Variants in PARD3B observed in about 807,000 individuals in gnomAD.
The protein encoded by PARD3B is par-3 family cell polarity regulator beta.
PARD3B carries 103 observed loss-of-function variants against 130.2 expected under a neutral mutation model. The observed-to-expected ratio is 0.79, with a 90% CI of 0.67 to 0.93. The LOEUF (loss-of-function observed/expected upper bound fraction) is 0.93, where lower values mean the gene tolerates loss of function less well. Among genes scored for constraint, PARD3B ranks in the 40% least tolerant of loss-of-function variants. The pLI is 0.00. For synonymous variants in PARD3B, 583 were observed against 553.2 expected (o/e 1.05, Z -0.76); for missense variants, 1,609 against 1,499.2 (o/e 1.07, Z -1.21).
chr2:204,826,878 G>A (rs1024883389), intron 2 of PARD3B, among the ~76,000 whole-genome samples: 1 of 152,072 alleles, frequency 6.6e-6, no homozygotes, highest in African/African-American at 2.4e-5. Context: ...ATATTAGCCA[G>A]TCATGGTGGT....
chr2:204,998,368 GTGTGTGTA>G lies in PARD3B; in HGVS notation c.394+33047_394+33054del, dbSNP rs1183868649. On this transcript the variant is annotated intron_variant, in intron 3 of 22. Transcript: ENST00000406610. Reference sequence around the variant, plus strand: ...TATATATATATATATATGTGTGTGTGTGTGTGTATATATGTGTGTGTATATATGTATAT... The same window carrying G: ...TATATATATATATATATGTGTGTGTGTATATGTGTGTGTATATATGTATAT... 9.3e-5 allele frequency among the ~76,000 whole-genome samples: 9 copies of G among 96,976 alleles called. No homozygotes were observed. The South Asian group carries it at 2.0e-3, about 21-fold the overall frequency. 63.6% of individuals were successfully genotyped at this position (96,976 alleles called of 152,430 possible). A position where few individuals can be genotyped will look rare whatever the true frequency, so the allele number is the denominator to read the frequency against.
rs542297976 is a variant in PARD3B, at chr2:205,362,989, C to G, written c.2631-38024C>G. Among the ~76,000 whole-genome samples, 5 of 106,540 alleles carry G rather than the reference C, an allele frequency of 4.7e-5. No individual in the cohort carries two copies. The South Asian group carries it at 1.4e-3, about 31-fold the overall frequency. 69.9% of individuals were successfully genotyped at this position (106,540 alleles called of 152,430 possible). A position where few individuals can be genotyped will look rare whatever the true frequency, so the allele number is the denominator to read the frequency against. The stretch of plus-strand genomic sequence containing the variant: ...GATCCATGTGGGAGAAGTAGTCTTC[C>G]ACCAAGTGCTGCGACTGGGGGAGTC... On this transcript the variant is annotated intron_variant, in intron 18 of 22. Transcript: ENST00000406610.
At chr2:205,167,621 C>G (rs1576037202) in intron 11 of PARD3B, among the ~76,000 whole-genome samples, 1 of 152,302 alleles carries the variant, frequency 6.6e-6, no homozygotes, top group East Asian at 1.9e-4. Context: ...AGTAAATTGT[C>G]TGCTACATGT....
intron 3 of PARD3B, among the ~76,000 whole-genome samples, chr2:204,996,644 G>T (rs1309246564): frequency 2.4e-4 from 36 of 150,220 alleles, no homozygotes; most frequent in African/African-American, 8.1e-4. Context: ...GTTTACCTAA[G>T]CAAGCCTGGG....
At chr2:205,159,336 G>T (rs1187007316) in intron 11 of PARD3B, among the ~76,000 whole-genome samples, 1 of 152,212 alleles carries the variant, frequency 6.6e-6, no homozygotes, top group East Asian at 1.9e-4. Context: ...ATAAATTAAA[G>T]GCCATTTATC....
rs568979858 is a variant in PARD3B at position 204,711,035 on chromosome 2, A to C, written c.222+24753A>C. The stretch of plus-strand genomic sequence containing the variant: ...TAGAATTAAGCAAATCATTTCTCTA[A>C]ATTTTTAAATTTAATATTGATGTTG... On this transcript the variant is annotated intron_variant, in intron 2 of 22. Coordinates refer to ENST00000406610, the MANE Select transcript of PARD3B (RefSeq NM_001302769.2). 3.9e-5 allele frequency among the ~76,000 whole-genome samples: 6 copies of C among 152,218 alleles called. 1 individual carries two copies. Among genetic ancestry groups the C allele is most frequent in the Non-Finnish European group, 7.4e-5 (5 of 68,006 alleles).
intron 1 of PARD3B, among the ~76,000 whole-genome samples, chr2:204,679,638 A>G (rs146493497): frequency 0.015 from 2,296 of 151,904 alleles, 52 homozygotes; most frequent in African/African-American, 0.052. Context: ...TAAGTATTTG[A>G]TTTTATGCTA....
chr2:204,820,113 T>C (rs1384812302), intron 2 of PARD3B, among the ~76,000 whole-genome samples: 1 of 138,940 alleles, frequency 7.2e-6, no homozygotes, highest in Non-Finnish European at 1.5e-5. Flanking sequence ...GTCACTCTTA[T>C]TGCCCAGGCT....
chr2:204,978,372 T>C (rs1692369834), intron 3 of PARD3B, among the ~76,000 whole-genome samples: 1 of 152,232 alleles, frequency 6.6e-6, no homozygotes, highest in South Asian at 2.1e-4. Flanking sequence ...ATTAGTAAAA[T>C]GCAGTTTTTC....
chr2:205,070,608 G>A (rs899560425), intron 4 of PARD3B, among the ~76,000 whole-genome samples: 3 of 152,068 alleles, frequency 2.0e-5, no homozygotes, highest in Non-Finnish European at 2.9e-5. Flanking sequence ...CTATATCATA[G>A]GTGATATATA....
chr2:205,054,422 ATATATATATATATATTTTTTT>A (rs1699466916), intron 4 of PARD3B, among the ~76,000 whole-genome samples: 2 of 19,590 alleles, frequency 1.0e-4, no homozygotes, highest in Non-Finnish European at 2.3e-4. Flanking sequence ...ATATATATAT[ATATATATATATATATTTTTTT>A]TTTTTTTTTT....
chr2:205,098,174 C>G (rs1288938925), intron 4 of PARD3B, among the ~76,000 whole-genome samples: 1 of 152,182 alleles, frequency 6.6e-6, no homozygotes. Context: ...ACCTGATGTT[C>G]AGATCCTCTC....
chr2:205,194,344 G>A (rs1424447681), intron 15 of PARD3B, among the ~76,000 whole-genome samples: 3 of 152,186 alleles, frequency 2.0e-5, no homozygotes, highest in Admixed American at 6.5e-5. Flanking sequence ...AAATGACTGG[G>A]ATGCATTTGC....
intron 2 of PARD3B, among the ~76,000 whole-genome samples, chr2:204,853,726 A>G (rs2044804637): frequency 6.6e-6 from 1 of 152,246 alleles, no homozygotes; most frequent in Admixed American, 6.5e-5. Flanking sequence ...TGCATTTAGC[A>G]TGTTGCTAGA....
At chr2:204,668,680 A>G (rs1468940160) in intron 1 of PARD3B, among the ~76,000 whole-genome samples, 1 of 152,170 alleles carries the variant, frequency 6.6e-6, no homozygotes, top group Admixed American at 6.5e-5. Context: ...CCTTTTTCAT[A>G]AAAAAGACAA....
At chr2:205,347,311 A>AAAAAAT (rs1304726772) in intron 18 of PARD3B, among the ~76,000 whole-genome samples, 1 of 152,190 alleles carries the variant, frequency 6.6e-6, no homozygotes, top group African/African-American at 2.4e-5. Flanking sequence ...TGTCTTCTTT[A>AAAAAAT]AAAAATAAAA....
chr2:204,681,693 A>C (rs748877117), intron 1 of PARD3B, among the ~76,000 whole-genome samples: 75 of 152,250 alleles, frequency 4.9e-4, no homozygotes, highest in Non-Finnish European at 9.7e-4. Context: ...CTGGCTACTC[A>C]GAGGCTCCTG....
At chr2:205,443,612 A>C (rs1237725444) in intron 20 of PARD3B, among the ~76,000 whole-genome samples, 1 of 152,230 alleles carries the variant, frequency 6.6e-6, no homozygotes, top group Non-Finnish European at 1.5e-5. Context: ...GTAAGACAGG[A>C]GCAATTGCAG....
chr2:204,860,528 G>A (rs568815495), intron 2 of PARD3B, among the ~76,000 whole-genome samples: 9 of 152,314 alleles, frequency 5.9e-5, no homozygotes, highest in Middle Eastern at 3.4e-3. Context: ...GAAAGAAGAC[G>A]ACAACTTCTC....
Sources: allele counts gnomAD v4.1 joint callset (sites outside exome capture counted in the v4.1 genomes callset), GRCh38; gene constraint gnomAD v4.1.1; transcripts MANE v1.5; gene names NCBI Gene and HGNC (gene_info 2026-07-23, HGNC 2026-07-21).